Variants in OPN5 observed in about 807,000 individuals in gnomAD.
The protein encoded by OPN5 is opsin-5.
Under a neutral mutation model 41.7 loss-of-function variants are expected in OPN5, and 18 were observed. The observed-to-expected ratio is 0.43, with a 90% CI of 0.30 to 0.64. OPN5 has a LOEUF of 0.64. OPN5 is among the 30% of genes least tolerant of loss of function. The probability of loss-of-function intolerance (pLI) is 0.13; values close to 1 mark genes in which losing one functional copy is unlikely to be tolerated. For synonymous variants in OPN5, 178 were observed against 164.3 expected (o/e 1.08, Z -0.64); for missense variants, 318 against 434.5 (o/e 0.73, Z 2.38).
At position 47,795,575 on chromosome 6, in the gene OPN5, A is replaced by G. The variant is rs183567707; in HGVS notation, c.756+12A>G. On this transcript the variant is annotated intron_variant, in intron 4 of 6. Coordinates refer to ENST00000371211, the Ensembl canonical transcript of OPN5. ...TGAAACTGACAAAGGTAAGTGCACT[A>G]ATATTTTACACATGTGTTTTCTGAC... 1.6e-4 allele frequency: 251 copies of G among 1,583,162 alleles called. 2 individuals carry two copies. The East Asian group carries it at 4.5e-3, about 28-fold the overall frequency.
exon 4 of OPN5, chr6:47,795,451 T>C (rs765640069): frequency 1.9e-6 from 3 of 1,614,042 alleles, no homozygotes; most frequent in Non-Finnish European, 2.5e-6. Flanking sequence ...ACGGCTGTGA[T>C]CGTGTTCTCC....
intron 2 of OPN5, chr6:47,787,286 T>C: frequency 4.5e-6 from 2 of 444,192 alleles, no homozygotes; most frequent in Non-Finnish European, 6.0e-6. Flanking sequence ...TCTACAGGTA[T>C]GTTAATGTGT....
intron 2 of OPN5, 96 bp downstream of exon 2, chr6:47,786,730 C>T (rs1207671232): frequency 4.8e-6 from 5 of 1,032,474 alleles, no homozygotes; most frequent in Admixed American, 2.1e-5. Context: ...CATCTCTTCC[C>T]TTCACATCTC....
At chr6:47,796,481 T>C (rs902116499) in intron 4 of OPN5, among the ~76,000 whole-genome samples, 5 of 152,156 alleles carry the variant, frequency 3.3e-5, no homozygotes, top group African/African-American at 7.2e-5. Context: ...ATAAATGACA[T>C]ACAGGTAATA....
At chr6:47,787,777 A>T (rs552294311) in intron 2 of OPN5, among the ~76,000 whole-genome samples, 2 of 152,130 alleles carry the variant, frequency 1.3e-5, no homozygotes, top group Non-Finnish European at 2.9e-5. Context: ...ATTGGGTAAA[A>T]CTAAACAAAA....
intron 4 of OPN5, among the ~76,000 whole-genome samples, chr6:47,806,517 A>G (rs1773971488): frequency 6.6e-6 from 1 of 152,156 alleles, no homozygotes; most frequent in Non-Finnish European, 1.5e-5. Context: ...GAAGATGCTC[A>G]GTAATACTTG....
At chr6:47,795,542 G>A in exon 4 of OPN5, 3 of 1,613,198 alleles carry the variant, frequency 1.9e-6, no homozygotes, top group Non-Finnish European at 2.5e-6. Context: ...GCAGCCATGT[G>A]CTGGAAATGA....
At chr6:47,816,352 A>T in intron 6 of OPN5, among the ~76,000 whole-genome samples, 1 of 152,142 alleles carries the variant, frequency 6.6e-6, no homozygotes, top group South Asian at 2.1e-4. Flanking sequence ...AAATATCAGG[A>T]GAGGTCCTGG....
rs1312636815 is a variant in OPN5, at chr6:47,792,068, T to C, written c.421+96T>C. On this transcript the variant is annotated intron_variant, in intron 3 of 6. Transcript: ENST00000371211. ...TTATGCAGGTAATAAACAAAGATTA[T>C]GAATAACCTCAGAGATCAAGAATAT... 3.7e-6 allele frequency: 3 copies of C among 806,088 alleles called. No individual in the cohort carries two copies. The African/African-American group carries it at 5.2e-5, about 14-fold the overall frequency. 49.9% of individuals were successfully genotyped at this position (806,088 alleles called of 1,614,324 possible).
chr6:47,825,436 G>A (rs2114024933), downstream of OPN5: 1 of 152,324 alleles, frequency 6.6e-6, no homozygotes, highest in East Asian at 1.9e-4. Flanking sequence ...AATGTAATAA[G>A]TTAGGTACTT....
intron 6 of OPN5, among the ~76,000 whole-genome samples, chr6:47,822,932 T>A (rs1205923885): frequency 6.6e-6 from 1 of 152,204 alleles, no homozygotes; most frequent in Non-Finnish European, 1.5e-5. Context: ...GATAAGACTT[T>A]CCTCTCCTGT....
intron 3 of OPN5, among the ~76,000 whole-genome samples, chr6:47,792,503 G>T (rs141814050): frequency 1.2e-3 from 188 of 152,182 alleles, no homozygotes; most frequent in African/African-American, 4.5e-3. Context: ...TTTTTTTGTG[G>T]TGTTGGTTGG....
chr6:47,787,173 G>T, intron 2 of OPN5: 1 of 984,220 alleles, frequency 1.0e-6, no homozygotes, highest in Non-Finnish European at 1.2e-6. Context: ...GGAAGCTTCT[G>T]GTTCAGTGGT....
intron 4 of OPN5, among the ~76,000 whole-genome samples, chr6:47,799,217 T>TAC (rs369920495): frequency 1.8e-4 from 25 of 135,324 alleles, no homozygotes; most frequent in South Asian, 9.2e-4. Context: ...TATATATATA[T>TAC]ACACACACAC....
Position 47,808,406 on chromosome 6 carries a change from A to T in OPN5, c.998+11A>T. ...TCTGGAAGGCTTCAGGTAAAACTTC[A>T]GAAGCTGGAAATGAATTACACTCTC... On this transcript the variant is annotated intron_variant, in intron 5 of 6. Coordinates refer to ENST00000371211, the Ensembl canonical transcript of OPN5. 6.2e-7 allele frequency: 1 copy of T among 1,613,776 alleles called. No individual in the cohort carries two copies. Among genetic ancestry groups the T allele is most frequent in the South Asian group, 1.1e-5 (1 of 91,038 alleles).
intron 6 of OPN5, among the ~76,000 whole-genome samples, chr6:47,817,770 T>C (rs111519889): frequency 0.013 from 2,013 of 152,208 alleles, 48 homozygotes; most frequent in African/African-American, 0.046. Context: ...CAATGGGCAG[T>C]TGTGTAAGAG....
chr6:47,795,774 TCTCTCACA>T (rs1339052077), intron 4 of OPN5, among the ~76,000 whole-genome samples: 1,248 of 109,696 alleles, frequency 0.011, 17 homozygotes, highest in African/African-American at 0.037. Context: ...TCTCTCTCTC[TCTCTCACA>T]CACACACACA....
chr6:47,808,473 C>CT lies in OPN5; in HGVS notation c.998+79dup, dbSNP rs1248649904. 2.7e-6 allele frequency: 4 copies of CT among 1,505,050 alleles called. No homozygotes were observed. In the African/African-American group the frequency reaches 5.5e-5, roughly 21 times the overall value. 93.2% of individuals were successfully genotyped at this position (1,505,050 alleles called of 1,614,324 possible). ...GCAGGGTTCAAGGTACTCAGATGTG[C>CT]TGTCTTCTTAGGGTTAAAGCTCATC... On this transcript the variant is annotated intron_variant, in intron 5 of 6. Coordinates refer to ENST00000371211, the Ensembl canonical transcript of OPN5.
At chr6:47,804,634 A>G (rs1209204792) in intron 4 of OPN5, among the ~76,000 whole-genome samples, 1 of 152,210 alleles carries the variant, frequency 6.6e-6, no homozygotes, top group Admixed American at 6.5e-5. Context: ...GCCTTATATT[A>G]ACTTTGTATT....
Sources: gnomAD v4.1 joint callset for allele counts (sites outside exome capture counted in the v4.1 genomes callset) on GRCh38, gnomAD v4.1.1 for gene constraint, MANE v1.5 for transcripts, NCBI Gene and HGNC (gene_info 2026-07-23, HGNC 2026-07-21) for gene names.